The following NCKAP5 variants were observed in gnomAD, a reference collection of about 807,000 sequenced individuals.
The protein encoded by NCKAP5 is NCK associated protein 5, also known as nck-associated protein 5.
Under a neutral mutation model 167.0 loss-of-function variants are expected in NCKAP5, and 92 were observed. That is an observed-to-expected ratio of 0.55 (90% CI 0.47 to 0.66). The LOEUF is 0.66. Ranked by LOEUF, NCKAP5 falls within the 30% of genes least tolerant of loss-of-function variation. NCKAP5 has a pLI of 0.00. For missense variants in NCKAP5, 2,378 were observed against 2,315.0 expected (o/e 1.03, Z -0.56); for synonymous variants, 891 against 877.4 (o/e 1.02, Z -0.27).
chr2:132,954,575 A>G, intron 8 of NCKAP5: 1 of 442,606 alleles, frequency 2.3e-6, no homozygotes. Context: ...AATGGCACTC[A>G]GTATCCATTG....
At chr2:133,644,339 T>G in the NCKAP5 span, among the ~76,000 whole-genome samples, 2 of 152,194 alleles carry the variant, frequency 1.3e-5, no homozygotes, top group Non-Finnish European at 2.9e-5. Flanking sequence ...CCATCAGTTC[T>G]TCAAGTTCTC....
intron 11 of NCKAP5, among the ~76,000 whole-genome samples, chr2:132,824,538 T>G (rs989616163): frequency 2.6e-5 from 4 of 152,232 alleles, no homozygotes; most frequent in African/African-American, 9.6e-5. Context: ...GGCTTTCTAA[T>G]CTCTGAAGTA....
At chr2:132,816,716 C>T (rs1686302759) in intron 11 of NCKAP5, among the ~76,000 whole-genome samples, 1 of 152,186 alleles carries the variant, frequency 6.6e-6, no homozygotes, top group Admixed American at 6.5e-5. Context: ...GACACTTGTC[C>T]TGTTACTACC....
intron 4 of NCKAP5, among the ~76,000 whole-genome samples, chr2:133,291,968 A>T (rs552631849): frequency 6.6e-6 from 1 of 152,200 alleles, no homozygotes; most frequent in Non-Finnish European, 1.5e-5. Flanking sequence ...TGCATTTTGT[A>T]TTTCTTCTTC....
At chr2:133,480,946 T>G (rs777868604) in intron 3 of NCKAP5, among the ~76,000 whole-genome samples, 2 of 152,190 alleles carry the variant, frequency 1.3e-5, no homozygotes, top group African/African-American at 2.4e-5. Context: ...CCTCTACTAT[T>G]CTAAAAATTT....
intron 5 of NCKAP5, among the ~76,000 whole-genome samples, chr2:133,213,079 A>G (rs1262209597): frequency 6.6e-6 from 1 of 152,204 alleles, no homozygotes; most frequent in African/African-American, 2.4e-5. Flanking sequence ...TACTCCACGC[A>G]TGCATTCCCC....
At chr2:133,199,492 C>A (rs1204500456) in intron 5 of NCKAP5, among the ~76,000 whole-genome samples, 1 of 152,010 alleles carries the variant, frequency 6.6e-6, no homozygotes, top group Admixed American at 6.6e-5. Flanking sequence ...CATCTTTTAT[C>A]ATCAAGGTAA....
intron 16 of NCKAP5, 41 bp downstream of exon 16, chr2:132,773,775 A>G: frequency 1.4e-6 from 2 of 1,461,744 alleles, no homozygotes; most frequent in Non-Finnish European, 1.9e-6. Context: ...TACATTTAGA[A>G]TAAGTCTCCA....
chr2:133,143,221 T>C (rs558967183), intron 5 of NCKAP5, among the ~76,000 whole-genome samples: 1 of 152,198 alleles, frequency 6.6e-6, no homozygotes, highest in South Asian at 2.1e-4. Context: ...TGGTTCCAAT[T>C]AGTGAGAGTT....
the NCKAP5 span, among the ~76,000 whole-genome samples, chr2:133,613,994 A>T: frequency 6.6e-6 from 1 of 152,190 alleles, no homozygotes; most frequent in African/African-American, 2.4e-5. Context: ...GGCAGATAGC[A>T]GGCAGGACTA....
intron 6 of NCKAP5, among the ~76,000 whole-genome samples, chr2:133,004,695 C>T (rs1320442775): frequency 1.3e-5 from 2 of 152,158 alleles, no homozygotes; most frequent in East Asian, 1.9e-4. Flanking sequence ...TGATAAACCT[C>T]TTAACAGGAA....
intron 3 of NCKAP5, among the ~76,000 whole-genome samples, chr2:133,340,586 G>T (rs1040775201): frequency 6.6e-6 from 1 of 152,132 alleles, no homozygotes; most frequent in Admixed American, 6.6e-5. Context: ...AAGAGGAGAC[G>T]AGTAAGATAC....
At chr2:132,714,538 C>G (rs1470225807) in intron 19 of NCKAP5, among the ~76,000 whole-genome samples, 1 of 152,136 alleles carries the variant, frequency 6.6e-6, no homozygotes, top group African/African-American at 2.4e-5. Flanking sequence ...CACTTAATGG[C>G]CAGGCACAGT....
intron 6 of NCKAP5, among the ~76,000 whole-genome samples, chr2:133,038,009 CTGT>C (rs1054050103): frequency 3.3e-5 from 5 of 152,196 alleles, no homozygotes; most frequent in Non-Finnish European, 7.4e-5. Flanking sequence ...CCCTTGTAAA[CTGT>C]TGGTGGGAAT....
chr2:132,784,658 G>T lies in NCKAP5; in HGVS notation c.2153C>A (p.Ala718Asp), dbSNP rs777329197. Residue 718 changes from alanine (A) to aspartate (D), a missense_variant, in exon 14 of 20, where the codon GCT becomes GAT. By Grantham distance (126) the Ala-to-Asp change is moderately radical. Coordinates refer to ENST00000409261, the MANE Select transcript of NCKAP5 (RefSeq NM_207363.3). ...EHTELLPQGI[A>D]CLQPRAAARD... ...TGCAGCAGCTCTTGGCTGTAAACAA[G>T]CAATTCCCTGAGGTAAAAGCTCAGT... is the stretch of plus-strand genomic sequence containing the variant. 45 of 1,613,786 alleles carry T rather than the reference G, an allele frequency of 2.8e-5. No homozygotes were observed. The highest frequency in any genetic ancestry group is 3.1e-5 in the Non-Finnish European group (37 of 1,179,854).
intron 9 of NCKAP5, among the ~76,000 whole-genome samples, chr2:132,875,739 T>G (rs1259473811): frequency 6.6e-6 from 1 of 152,218 alleles, no homozygotes; most frequent in African/African-American, 2.4e-5. Context: ...AACCTGATTC[T>G]AACATGCAAA....
chr2:132,952,245 T>C (rs41509345), intron 8 of NCKAP5, among the ~76,000 whole-genome samples: 3,751 of 152,312 alleles, frequency 0.025, 154 homozygotes, highest in East Asian at 0.16. Flanking sequence ...TGATAGCTCT[T>C]AGAATATTTA....
At chr2:133,203,580 T>C (rs948117057) in intron 5 of NCKAP5, among the ~76,000 whole-genome samples, 5 of 152,152 alleles carry the variant, frequency 3.3e-5, no homozygotes, top group African/African-American at 1.2e-4. Context: ...ATTCTTGCCT[T>C]ATTTGAAAAT....
chr2:132,837,970 G>GCC (rs1688019295), intron 11 of NCKAP5, among the ~76,000 whole-genome samples: 1 of 152,086 alleles, frequency 6.6e-6, no homozygotes, highest in Non-Finnish European at 1.5e-5. Context: ...GTGGGGAGGG[G>GCC]CCCCCTACAG....
Sources: allele counts gnomAD v4.1 joint callset (sites outside exome capture counted in the v4.1 genomes callset), GRCh38; gene constraint gnomAD v4.1.1; transcripts MANE v1.5; gene names NCBI Gene and HGNC (gene_info 2026-07-23, HGNC 2026-07-21).